AGBL4: variants seen among roughly 807,000 people sequenced by gnomAD.
The protein encoded by AGBL4 is AGBL carboxypeptidase 4, also known as cytosolic carboxypeptidase 6.
Under a neutral mutation model 66.4 loss-of-function variants are expected in AGBL4, and 58 were observed. That is an observed-to-expected ratio of 0.87 (90% CI 0.71 to 1.09). The LOEUF is 1.09. Among genes scored for constraint, AGBL4 ranks in the 50% least tolerant of loss-of-function variants. The pLI is 0.00. For missense variants in AGBL4, 579 were observed against 631.0 expected (o/e 0.92, Z 0.88); for synonymous variants, 234 against 222.9 (o/e 1.05, Z -0.44).
At chr1:49,171,834 A>G (rs1646743777) in intron 4 of AGBL4, among the ~76,000 whole-genome samples, 1 of 152,200 alleles carries the variant, frequency 6.6e-6, no homozygotes, top group Non-Finnish European at 1.5e-5. Context: ...TTTCTATGGA[A>G]GCCAAGAGAA....
At chr1:48,562,332 G>A (rs537818312) in intron 11 of AGBL4, among the ~76,000 whole-genome samples, 1 of 152,308 alleles carries the variant, frequency 6.6e-6, no homozygotes, top group Admixed American at 6.5e-5. Context: ...TTATTTCAGA[G>A]CAGTGAGGTG....
chr1:48,698,801 G>A (rs74076229), intron 6 of AGBL4, among the ~76,000 whole-genome samples: 10,003 of 152,216 alleles, frequency 0.066, 1,098 homozygotes, highest in African/African-American at 0.22. Flanking sequence ...AGGTAATGCT[G>A]TTGTCCTATT....
chr1:49,896,178 G>A (rs1356514075), intron 1 of AGBL4, among the ~76,000 whole-genome samples: 2 of 151,984 alleles, frequency 1.3e-5, no homozygotes, highest in Admixed American at 1.3e-4. Context: ...TTCAGCAAGA[G>A]AACAGAGCAA....
chr1:49,774,272 C>T (rs552496148), intron 2 of AGBL4, among the ~76,000 whole-genome samples: 1 of 152,260 alleles, frequency 6.6e-6, no homozygotes, highest in Admixed American at 6.5e-5. Flanking sequence ...CTTACCTTTT[C>T]CCCATAAGTA....
At chr1:48,800,856 T>G (rs1329689872) in intron 6 of AGBL4, among the ~76,000 whole-genome samples, 1 of 152,170 alleles carries the variant, frequency 6.6e-6, no homozygotes, top group East Asian at 1.9e-4. Flanking sequence ...AGGCAATGAA[T>G]GCATAAGGCC....
At chr1:49,419,814 T>C (rs1050417072) in intron 3 of AGBL4, among the ~76,000 whole-genome samples, 2 of 152,102 alleles carry the variant, frequency 1.3e-5, no homozygotes, top group Non-Finnish European at 2.9e-5. Context: ...GTTGGTGAAA[T>C]GGGTACTATC....
Position 49,172,019 on chromosome 1 carries a change from C to T in AGBL4, c.377+73751G>A, listed in dbSNP as rs185341400. On this transcript the variant is annotated intron_variant, in intron 4 of 13. Transcript: ENST00000371839. ...AAATAGTGGAGCTGATATTTAAACT[C>T]AAAACAACTAATGCTAGAGACAGAC... Among the ~76,000 whole-genome samples the T allele has an allele frequency of 9.2e-5, 14 of 152,292 alleles. No individual in the cohort carries two copies. The East Asian group carries it at 2.7e-3, about 29-fold the overall frequency.
Position 48,904,681 on chromosome 1 carries a change from T to C in AGBL4, c.595-37451A>G, listed in dbSNP as rs546458063. On this transcript the variant is annotated intron_variant, in intron 5 of 13. Transcript: ENST00000371839. Reference sequence around the variant, plus strand: ...TAATAAAAACCTACCTCTGGAGTGATTGTGAGGATTAAATAAGTTAATAAA... The same window carrying C: ...TAATAAAAACCTACCTCTGGAGTGACTGTGAGGATTAAATAAGTTAATAAA... 1.8e-4 allele frequency among the ~76,000 whole-genome samples: 27 copies of C among 152,330 alleles called. No individual in the cohort carries two copies. In the South Asian group the frequency reaches 4.6e-3, roughly 26 times the overall value.
intron 3 of AGBL4, among the ~76,000 whole-genome samples, chr1:49,474,152 A>G (rs753139589): frequency 1.1e-4 from 16 of 151,964 alleles, no homozygotes; most frequent in Non-Finnish European, 2.1e-4. Context: ...CATTTTTTCT[A>G]ATTATGTGAA....
At chr1:49,881,053 A>C (rs10888671) in intron 1 of AGBL4, among the ~76,000 whole-genome samples, 14,051 of 151,992 alleles carry the variant, frequency 0.092, 892 homozygotes, top group African/African-American at 0.16. Context: ...GCCTGCGCCC[A>C]CTGTCTGGCA....
intron 6 of AGBL4, among the ~76,000 whole-genome samples, chr1:48,834,022 T>C (rs899251057): frequency 6.6e-6 from 1 of 152,166 alleles, no homozygotes; most frequent in Non-Finnish European, 1.5e-5. Context: ...AGAGGGTTAT[T>C]TGCAAGCCAT....
intron 3 of AGBL4, among the ~76,000 whole-genome samples, chr1:49,628,153 G>A (rs1410216417): frequency 1.3e-5 from 2 of 152,116 alleles, no homozygotes; most frequent in African/African-American, 4.8e-5. Context: ...ATTCTCTACT[G>A]TGAATGGTAT....
At chr1:49,112,284 A>C (rs957496557) in intron 4 of AGBL4, among the ~76,000 whole-genome samples, 1 of 152,206 alleles carries the variant, frequency 6.6e-6, no homozygotes, top group African/African-American at 2.4e-5. Context: ...TAAATAAGAT[A>C]CCGTATTTGA....
At position 48,663,218 on chromosome 1, in the gene AGBL4, G is replaced by T; in HGVS notation, c.658C>A (p.Gln220Lys). ...SPDNLREGAE[Q>K]KVVFITGRVH... ...CGTCCTGTGATGAATACCACCTTCTGCTCTGCCCCTTCCCGGAGATTGTCT... is the reference window on the plus strand; with the variant it reads ...CGTCCTGTGATGAATACCACCTTCTTCTCTGCCCCTTCCCGGAGATTGTCT... Residue 220 changes from glutamine to lysine, a missense_variant, in exon 7 of 14, where the codon CAG (glutamine) becomes AAG (lysine). By Grantham distance (53) the Gln-to-Lys change is moderately conservative (BLOSUM62 1). Transcript: ENST00000371839. 1 of 1,613,896 alleles carries T rather than the reference G, an allele frequency of 6.2e-7. No individual in the cohort carries two copies. The highest frequency in any genetic ancestry group is 8.5e-7 in the Non-Finnish European group (1 of 1,179,860).
intron 1 of AGBL4, among the ~76,000 whole-genome samples, chr1:50,003,621 C>T (rs1660920757): frequency 6.6e-6 from 1 of 152,110 alleles, no homozygotes; most frequent in Non-Finnish European, 1.5e-5. Flanking sequence ...CCAGAGAATT[C>T]TATTGGCCTG....
At chr1:49,124,977 C>T (rs934840570) in intron 4 of AGBL4, among the ~76,000 whole-genome samples, 16 of 152,126 alleles carry the variant, frequency 1.1e-4, no homozygotes, top group Admixed American at 9.2e-4. Context: ...GCCCACAGGA[C>T]CCCAAAGTTT....
intron 3 of AGBL4, among the ~76,000 whole-genome samples, chr1:49,277,413 T>G (rs1644189052): frequency 6.6e-6 from 1 of 152,184 alleles, no homozygotes; most frequent in Non-Finnish European, 1.5e-5. Context: ...CAGTTTCTTT[T>G]CTTGATTTAT....
intron 5 of AGBL4, among the ~76,000 whole-genome samples, chr1:49,031,428 T>G (rs1230141786): frequency 6.6e-6 from 1 of 152,056 alleles, no homozygotes; most frequent in Non-Finnish European, 1.5e-5. Context: ...AATTACTATT[T>G]GTCAATTAAA....
At chr1:49,560,735 A>C (rs897234235) in intron 3 of AGBL4, among the ~76,000 whole-genome samples, 23 of 152,248 alleles carry the variant, frequency 1.5e-4, no homozygotes, top group Admixed American at 3.3e-4. Flanking sequence ...ATAACATAAA[A>C]TGGAGCTCCA....
Sources: gnomAD v4.1 joint callset for allele counts (sites outside exome capture counted in the v4.1 genomes callset) on GRCh38, gnomAD v4.1.1 for gene constraint, MANE v1.5 for transcripts, NCBI Gene and HGNC (gene_info 2026-07-23, HGNC 2026-07-21) for gene names.